ZNF469: variants seen among roughly 807,000 people sequenced by gnomAD.
The protein encoded by ZNF469 is zinc finger protein 469.
Under a neutral mutation model 1.0 loss-of-function variants are expected in ZNF469, and 1 was observed. That is an observed-to-expected ratio of 1.00 (90% confidence interval 0.35 to 4.73). The LOEUF (loss-of-function observed/expected upper bound fraction) is 4.73. ZNF469 is among the 30% of genes most tolerant of loss of function. The pLI is 0.16. For synonymous variants in ZNF469, 2,703 were observed against 2,363.4 expected (o/e 1.14, Z -4.17); for missense variants, 6,100 against 5,356.3 (o/e 1.14, Z -4.33).
the ZNF469 span, among the ~76,000 whole-genome samples, chr16:88,302,167 C>T: frequency 2.6e-5 from 4 of 152,152 alleles, no homozygotes; most frequent in Admixed American, 6.5e-5. Context: ...GGGGGGTAAC[C>T]GACGCCAGGG....
the ZNF469 span, among the ~76,000 whole-genome samples, chr16:88,186,254 C>T: frequency 1.3e-5 from 2 of 152,190 alleles, no homozygotes; most frequent in Non-Finnish European, 2.9e-5. Context: ...TGCCCTCTCC[C>T]TGCAGGATCC....
chr16:88,168,031 C>T, the ZNF469 span, among the ~76,000 whole-genome samples: 9 of 152,260 alleles, frequency 5.9e-5, no homozygotes, highest in African/African-American at 2.2e-4. The surrounding 1 kb of genome is among the most constrained non-coding windows in gnomAD (Gnocchi z 4.3). Context: ...CGCGATGAAC[C>T]CCATGGGCGT....
the ZNF469 span, among the ~76,000 whole-genome samples, chr16:88,114,935 T>A: frequency 7.1e-6 from 1 of 141,370 alleles, no homozygotes; most frequent in African/African-American, 2.5e-5. Flanking sequence ...CTGTAAAAAA[T>A]TTCAGCCGCC....
At chr16:88,179,234 G>C in the ZNF469 span, among the ~76,000 whole-genome samples, 2 of 152,290 alleles carry the variant, frequency 1.3e-5, no homozygotes, top group South Asian at 2.1e-4. Flanking sequence ...GCGGGGGTTT[G>C]GGTCAAGGGT....
the ZNF469 span, among the ~76,000 whole-genome samples, chr16:88,281,855 G>A: frequency 6.6e-6 from 1 of 152,042 alleles, no homozygotes; most frequent in Non-Finnish European, 1.5e-5. Context: ...GGTCAGTACT[G>A]TGCTGATGTC....
chr16:88,264,378 C>G, the ZNF469 span, among the ~76,000 whole-genome samples: 2 of 152,072 alleles, frequency 1.3e-5, no homozygotes, highest in Admixed American at 1.3e-4. Flanking sequence ...CTCCCATGGC[C>G]CCCTTTGAGG....
chr16:88,117,975 C>T, the ZNF469 span, among the ~76,000 whole-genome samples: 1 of 152,232 alleles, frequency 6.6e-6, no homozygotes, highest in Non-Finnish European at 1.5e-5. Context: ...CGGAGTCTCG[C>T]TCTGTCGCCC....
chr16:88,272,207 G>A, the ZNF469 span, among the ~76,000 whole-genome samples: 1 of 128,844 alleles, frequency 7.8e-6, no homozygotes, highest in African/African-American at 2.8e-5. Context: ...TTAGATGGAT[G>A]GATAAATGGA....
the ZNF469 span, among the ~76,000 whole-genome samples, chr16:88,222,878 C>G: frequency 5.3e-5 from 8 of 152,218 alleles, no homozygotes; most frequent in Non-Finnish European, 1.0e-4. Flanking sequence ...GGATTATAGG[C>G]ATGGGCCACC....
chr16:88,216,037 C>T, the ZNF469 span, among the ~76,000 whole-genome samples: 460 of 152,196 alleles, frequency 3.0e-3, 8 homozygotes, highest in African/African-American at 0.01. Flanking sequence ...TTCCTTTTGC[C>T]CTAAGAACTC....
rs1906749056 is a variant in ZNF469 at position 88,438,317 on chromosome 16, C to T, written c.10847C>T (p.Ala3616Val). Residue 3616 changes from alanine (A) to valine (V), a missense_variant, in exon 3 of 3, where the codon GCT becomes GTT. Ala to Val is a moderately conservative substitution (Grantham distance 64). Coordinates refer to ENST00000565624, the MANE Select transcript of ZNF469 (RefSeq NM_001367624.2). ...GGCCAAGATGCGGAGGGAAAGAGGG[C>T]TCCTCTCGTGTTCTCAGGGAAACGC... ...ARGQDAEGKR[A>V]PLVFSGKRRA... is the part of the protein sequence containing the mutation. The T allele has an allele frequency of 6.5e-7, 1 of 1,549,946 alleles. No homozygotes were observed. Among genetic ancestry groups the T allele is most frequent in the South Asian group, 1.2e-5 (1 of 84,060 alleles).
the ZNF469 span, among the ~76,000 whole-genome samples, chr16:88,250,304 T>A: frequency 1.3e-5 from 2 of 152,364 alleles, no homozygotes; most frequent in South Asian, 4.1e-4. Flanking sequence ...TGGAATCATA[T>A]CACGTTATTC....
chr16:88,342,667 A>T, the ZNF469 span, among the ~76,000 whole-genome samples: 1 of 152,196 alleles, frequency 6.6e-6, no homozygotes, highest in Non-Finnish European at 1.5e-5. Flanking sequence ...ACTTGGGGAC[A>T]GACCATGGGG....
chr16:88,300,057 G>A, the ZNF469 span, among the ~76,000 whole-genome samples: 80 of 152,336 alleles, frequency 5.3e-4, no homozygotes, highest in African/African-American at 1.7e-3. Context: ...AGGAAGGAAC[G>A]GGAGAAGGGC....
chr16:88,411,477 CA>C (rs1905161860), intron 1 of ZNF469, among the ~76,000 whole-genome samples: 1 of 4,812 alleles, frequency 2.1e-4, no homozygotes, highest in Admixed American at 3.7e-3. Context: ...GGGGTGCAAG[CA>C]GGCAGGGGTG....
rs993032767 is a variant in ZNF469, at chr16:88,430,473, C to T, written c.3003C>T (p.Ala1001=). The T allele has an allele frequency of 6.9e-7, 1 of 1,445,020 alleles. No homozygotes were observed. Among genetic ancestry groups the T allele is most frequent in the East Asian group, 2.8e-5 (1 of 36,278 alleles). The allele number at this position is 1,445,020 out of a possible 1,614,324, so 89.5% of individuals were successfully genotyped here. A position where few individuals can be genotyped will look rare whatever the true frequency, so the allele number is the denominator to read the frequency against. The part of the protein sequence containing the change: ...PPRPRRPRTQ[A]PGSRADPAPR... ...GTCCCCGGCGCCCTAGAACGCAGGC[C>T]CCCGGGAGCCGCGCAGACCCCGCGC... Residue 1001 remains alanine (A), a synonymous_variant, in exon 3 of 3, where the codon GCC becomes GCT. Transcript: ENST00000565624.
intron 1 of ZNF469, among the ~76,000 whole-genome samples, chr16:88,385,593 T>A (rs563716860): frequency 6.7e-6 from 1 of 150,096 alleles, no homozygotes; most frequent in South Asian, 2.1e-4. Flanking sequence ...CAGTTAATGA[T>A]GATCGTGCCA....
At position 88,439,861 on chromosome 16, in the gene ZNF469, T is replaced by C; in HGVS notation, c.*529T>C. The C allele has an allele frequency of 1.6e-5, 1 of 63,180 alleles. No homozygotes were observed. The highest frequency in any genetic ancestry group is 3.4e-5 in the Non-Finnish European group (1 of 29,216). 3.9% of individuals were successfully genotyped at this position (63,180 alleles called of 1,614,324 possible). A position where few individuals can be genotyped will look rare whatever the true frequency, so the allele number is the denominator to read the frequency against. On this transcript the variant is annotated 3_prime_UTR_variant, in exon 3 of 3. Transcript: ENST00000565624. ...GAAGGGTTGCTTCTGAGCCGCCTGG[T>C]CCCCCAAGAGCACAACAGGCCTCCT...
At chr16:88,313,662 C>T in the ZNF469 span, among the ~76,000 whole-genome samples, 2 of 148,998 alleles carry the variant, frequency 1.3e-5, no homozygotes, top group Admixed American at 6.7e-5. Flanking sequence ...GGTGTGGACT[C>T]TCTCTGTAAT....
Sources: gnomAD v4.1 joint callset for allele counts (sites outside exome capture counted in the v4.1 genomes callset) on GRCh38, gnomAD v4.1.1 for gene constraint, Gnocchi (gnomAD v3.1) non-coding constraint, MANE v1.5 for transcripts, NCBI Gene and HGNC (gene_info 2026-07-23, HGNC 2026-07-21) for gene names.